TMEM156: variants seen among roughly 807,000 people sequenced by gnomAD.
TMEM156 encodes transmembrane protein 156.
TMEM156 carries 28 observed loss-of-function variants against 30.5 expected under a neutral mutation model. The ratio of observed to expected loss-of-function variants is 0.92; its 90% CI spans 0.68 to 1.26. TMEM156 has a LOEUF of 1.26. Ranked by LOEUF, TMEM156 falls within the 50% of genes most tolerant of loss-of-function variation. The probability of loss-of-function intolerance (pLI) is 0.00; values close to 1 mark genes in which losing one functional copy is unlikely to be tolerated. For missense variants in TMEM156, 351 were observed against 340.6 expected, an observed-to-expected ratio of 1.03 and a Z score of -0.24; for synonymous variants, 137 against 119.9, an observed-to-expected ratio of 1.14 and a Z score of -0.93.
Position 38,993,949 on chromosome 4 carries a change from T to C in TMEM156, c.408A>G (p.Ser136=). Residue 136 remains serine (S), a synonymous_variant, in exon 3 of 7, where the codon TCA becomes TCG. Coordinates refer to ENST00000381938, the MANE Select transcript of TMEM156 (RefSeq NM_024943.3). ...CACTGAAGTTAAAGTGCTGACAAGG[T>C]GAATGAAAATCATTTGCTTTCACTT... ...SMEVKANDFH[S]PCQHFNFSVA... The C allele has an allele frequency of 6.2e-7, 1 of 1,613,984 alleles. No homozygotes were observed. The highest frequency in any genetic ancestry group is 8.5e-7 in the Non-Finnish European group (1 of 1,179,904).
At chr4:39,013,067 TGTGG>T (rs1229938645) in intron 1 of TMEM156, among the ~76,000 whole-genome samples, 1 of 151,958 alleles carries the variant, frequency 6.6e-6, no homozygotes, top group Non-Finnish European at 1.5e-5. Flanking sequence ...GGGAGGCTAC[TGTGG>T]GTGGGTCTCT....
In TMEM156 at chr4:39,032,282, A is replaced by C; in HGVS notation, c.32T>G (p.Val11Gly). 6.2e-7 allele frequency: 1 copy of C among 1,610,398 alleles called. No homozygotes were observed. The highest frequency in any genetic ancestry group is 1.1e-5 in the South Asian group (1 of 90,584). ...TAAAATGAATGTGATCACTATTGCC[A>C]CAAATAATTTAAGGAGGGCTGTTTT... MTKTALLKLF[V>G]AIVITFILIL... is the part of the protein sequence containing the mutation. The change falls in exon 1 of 7, where the codon GTG (valine) becomes GGG (glycine). Residue 11 changes from valine to glycine, a missense_variant. Coordinates refer to ENST00000381938, the MANE Select transcript of TMEM156 (RefSeq NM_024943.3).
intron 2 of TMEM156, among the ~76,000 whole-genome samples, chr4:38,998,082 T>A (rs970920652): frequency 6.6e-6 from 1 of 152,196 alleles, no homozygotes; most frequent in Non-Finnish European, 1.5e-5. Flanking sequence ...TGCCAAATAA[T>A]CCTCTACCCA....
intron 1 of TMEM156, among the ~76,000 whole-genome samples, chr4:39,008,458 A>G (rs1338816901): frequency 6.6e-6 from 1 of 152,182 alleles, no homozygotes; most frequent in African/African-American, 2.4e-5. Flanking sequence ...GCACTCCAGT[A>G]ATAAATCTAA....
rs60499521 is a variant in TMEM156, at chr4:39,031,905, A to AC, written c.88+320_88+321insG. 2.1e-3 allele frequency among the ~76,000 whole-genome samples: 274 copies of AC among 129,244 alleles called. 36 individuals carry two copies. Among genetic ancestry groups the AC allele is most frequent in the African/African-American group, 5.4e-3 (186 of 34,474 alleles). The allele number at this position is 129,244 out of a possible 152,430, so 84.8% of individuals were successfully genotyped here. ...AAAAAAAAAAATAAAAAATAAAAAA[A>AC]TAAAAAAAAACTGCTTTGAAGAAAG... On this transcript the variant is annotated intron_variant, in intron 1 of 6. Transcript: ENST00000381938.
chr4:38,987,880 C>A (rs1421937935), intron 4 of TMEM156, among the ~76,000 whole-genome samples: 1 of 152,114 alleles, frequency 6.6e-6, no homozygotes, highest in Non-Finnish European at 1.5e-5. Flanking sequence ...AGTAATACAT[C>A]TTGCACTGTC....
intron 1 of TMEM156, among the ~76,000 whole-genome samples, chr4:39,016,635 T>C (rs1176620911): frequency 6.6e-6 from 1 of 152,246 alleles, no homozygotes; most frequent in East Asian, 1.9e-4. Context: ...CATTATAGTT[T>C]CTTCTCAACT....
At chr4:38,985,645 T>A (rs1176352481) in intron 5 of TMEM156, among the ~76,000 whole-genome samples, 1 of 152,196 alleles carries the variant, frequency 6.6e-6, no homozygotes, top group Non-Finnish European at 1.5e-5. Context: ...GCTGGCTGTG[T>A]ACAAGGAGCT....
At chr4:38,996,258 C>T (rs1192178970) in intron 2 of TMEM156, among the ~76,000 whole-genome samples, 1 of 113,256 alleles carries the variant, frequency 8.8e-6, no homozygotes, top group African/African-American at 3.4e-5. Flanking sequence ...ATGACCATTA[C>T]TAAGAAAAAA....
At chr4:38,989,406 A>G (rs1422851249) in intron 3 of TMEM156, among the ~76,000 whole-genome samples, 1 of 152,230 alleles carries the variant, frequency 6.6e-6, no homozygotes, top group African/African-American at 2.4e-5. Context: ...GGGAAGAAAG[A>G]GAAAGGCAGG....
At chr4:39,002,885 G>A (rs60271529) in intron 1 of TMEM156, among the ~76,000 whole-genome samples, 5 of 149,510 alleles carry the variant, frequency 3.3e-5, no homozygotes, top group South Asian at 2.1e-4. Flanking sequence ...GGCCTGTTGT[G>A]GGGGGGTGGA....
chr4:38,999,318 T>C (rs1560372305), intron 1 of TMEM156, among the ~76,000 whole-genome samples: 1 of 152,010 alleles, frequency 6.6e-6, no homozygotes, highest in African/African-American at 2.4e-5. Flanking sequence ...CAGGGAGCCA[T>C]GGTGCCCAGC....
chr4:39,017,160 A>G lies in TMEM156; in HGVS notation c.88+15066T>C, dbSNP rs1714544429. Among the ~76,000 whole-genome samples the G allele has an allele frequency of 5.2e-5, 7 of 134,812 alleles. No individual in the cohort carries two copies. The South Asian group carries it at 1.7e-3, about 32-fold the overall frequency. 88.4% of individuals were successfully genotyped at this position (134,812 alleles called of 152,430 possible). A position where few individuals can be genotyped will look rare whatever the true frequency, so the allele number is the denominator to read the frequency against. ...GGGACACTGCCAAACCATATCAAGT[A>G]TGTATTTCTTCTTTTTTTTTTTTTT... On this transcript the variant is annotated intron_variant, in intron 1 of 6. Coordinates refer to ENST00000381938, the MANE Select transcript of TMEM156 (RefSeq NM_024943.3).
rs935273179 is a variant in TMEM156 at position 38,999,035 on chromosome 4, A to G, written c.89-126T>C. On this transcript the variant is annotated intron_variant, in intron 1 of 6. Coordinates refer to ENST00000381938, the MANE Select transcript of TMEM156 (RefSeq NM_024943.3). ...CAGTACATTTCAGCTTATCAGAGAC[A>G]AGACTGTTTTTTAAACTTGAATTAA... 5 of 544,594 alleles carry G rather than the reference A, an allele frequency of 9.2e-6. 1 individual carries two copies. Among genetic ancestry groups the G allele is most frequent in the Non-Finnish European group, 1.5e-5 (5 of 341,302 alleles). The allele number at this position is 544,594 out of a possible 1,614,324, so 33.7% of individuals were successfully genotyped here. A position where few individuals can be genotyped will look rare whatever the true frequency, so the allele number is the denominator to read the frequency against.
At chr4:39,022,868 T>G (rs1278382448) in intron 1 of TMEM156, among the ~76,000 whole-genome samples, 1 of 152,220 alleles carries the variant, frequency 6.6e-6, no homozygotes, top group African/African-American at 2.4e-5. Flanking sequence ...GTGTTATTAA[T>G]TCAGTATATT....
rs1713129219 is a variant in TMEM156 at position 38,998,917 on chromosome 4, G to GA, written c.89-9dup. On this transcript the variant is annotated splice_polypyrimidine_tract_variant and intron_variant, in intron 1 of 6. Coordinates refer to ENST00000381938, the MANE Select transcript of TMEM156 (RefSeq NM_024943.3). ...ATAGCTCCAATGTTCTTTCTGTAAAGAAAAAAGAAAAACACTTTCTTTACT... is the reference window on the plus strand; with the variant it reads ...ATAGCTCCAATGTTCTTTCTGTAAAGAAAAAAAGAAAAACACTTTCTTTACT... 6.3e-7 allele frequency: 1 copy of GA among 1,585,122 alleles called. No individual in the cohort carries two copies.
At chr4:39,000,263 A>T (rs1577550703) in intron 1 of TMEM156, among the ~76,000 whole-genome samples, 6 of 151,944 alleles carry the variant, frequency 3.9e-5, no homozygotes, top group Admixed American at 3.9e-4. Flanking sequence ...GGGGTGGTGC[A>T]CTCCTGTAGT....
At position 38,984,297 on chromosome 4, in the gene TMEM156, G is replaced by A. The variant is rs1266653703; in HGVS notation, c.823+2039C>T. On this transcript the variant is annotated intron_variant, in intron 5 of 6. Transcript: ENST00000381938. ...ATGAATAAGCTTCTTTTGGAGGTAC[G>A]AGCCCATTTATCTCTCTCTCTCTCT... Among the ~76,000 whole-genome samples the A allele has an allele frequency of 4.6e-5, 7 of 151,550 alleles. 1 individual carries two copies. The highest frequency in any genetic ancestry group is 3.3e-4 in the Admixed American group (5 of 15,174).
chr4:38,992,194 G>A (rs1712514459), intron 3 of TMEM156, among the ~76,000 whole-genome samples: 1 of 152,170 alleles, frequency 6.6e-6, no homozygotes, highest in African/African-American at 2.4e-5. Context: ...AAAAAGGACA[G>A]CAAATTACTC....
Sources: gnomAD v4.1 joint callset for allele counts (sites outside exome capture counted in the v4.1 genomes callset) on GRCh38, gnomAD v4.1.1 for gene constraint, MANE v1.5 for transcripts, NCBI Gene and HGNC (gene_info 2026-07-23, HGNC 2026-07-21) for gene names.